SLC6A11: variants seen among roughly 807,000 people sequenced by gnomAD.
The protein encoded by SLC6A11 is sodium- and chloride-dependent GABA transporter 3.
In SLC6A11, 25 loss-of-function variants were observed where a neutral mutation model predicts 74.8. The ratio of observed to expected loss-of-function variants is 0.33; its 90% CI spans 0.24 to 0.47. The LOEUF (loss-of-function observed/expected upper bound fraction) is 0.47. Among genes scored for constraint, SLC6A11 ranks in the 20% least tolerant of loss-of-function variants. The probability of loss-of-function intolerance (pLI) is 1.00; values close to 1 mark genes in which losing one functional copy is unlikely to be tolerated. For missense variants in SLC6A11, 574 were observed against 837.0 expected (o/e 0.69, Z 3.88); for synonymous variants, 330 against 330.2 (o/e 1.00, Z 0.01).
At position 10,884,506 on chromosome 3, in the gene SLC6A11, G is replaced by A. The variant is rs114519191; in HGVS notation, c.891+9411G>A. 6.1e-3 allele frequency among the ~76,000 whole-genome samples: 933 copies of A among 152,328 alleles called. 7 individuals are homozygous for A. Among genetic ancestry groups the A allele is most frequent in the African/African-American group, 0.021 (887 of 41,556 alleles). ...TGTGTCTTAAAGGCTCTACCAATGA[G>A]AGGACTGAGGCTCTGAGGGGCTGAA... On this transcript the variant is annotated intron_variant, in intron 6 of 13. Coordinates refer to ENST00000254488, the MANE Select transcript of SLC6A11 (RefSeq NM_014229.3).
At position 10,929,303 on chromosome 3, in the gene SLC6A11, T is replaced by C; in HGVS notation, c.1335T>C (p.Val445=). 1 of 1,614,154 alleles carries C rather than the reference T, an allele frequency of 6.2e-7. No homozygotes were observed. The highest frequency in any genetic ancestry group is 1.1e-5 in the South Asian group (1 of 91,078). ...RRELLILALS[V]ISYFLGLVML... is the part of the protein sequence containing the mutation. Reference sequence around the variant, plus strand: ...AGCTGCTCATCCTAGCCTTGTCTGTTATCTCCTATTTTCTGGGCCTCGTGA... The same window carrying C: ...AGCTGCTCATCCTAGCCTTGTCTGTCATCTCCTATTTTCTGGGCCTCGTGA... Residue 445 remains valine, a synonymous_variant, in exon 10 of 14, where the codon GTT becomes GTC. Transcript: ENST00000254488.
chr3:10,884,697 C>A (rs1248017008), intron 6 of SLC6A11, among the ~76,000 whole-genome samples: 1 of 152,184 alleles, frequency 6.6e-6, no homozygotes, highest in Non-Finnish European at 1.5e-5. Context: ...ACCTATGTGA[C>A]AACTTTGCAA....
chr3:10,848,546 A>G (rs1694533555), intron 5 of SLC6A11, among the ~76,000 whole-genome samples: 1 of 152,216 alleles, frequency 6.6e-6, no homozygotes, highest in Non-Finnish European at 1.5e-5. Context: ...CCCCAGCTTC[A>G]GTAGGTAGCA....
intron 6 of SLC6A11, among the ~76,000 whole-genome samples, chr3:10,877,384 G>A (rs1040244943): frequency 6.6e-6 from 1 of 152,170 alleles, no homozygotes; most frequent in Non-Finnish European, 1.5e-5. Context: ...CCATGCACAG[G>A]CTTCTCACTT....
At chr3:10,849,794 C>CAAAAAAAAA (rs56099322) in intron 5 of SLC6A11, among the ~76,000 whole-genome samples, 32 of 87,276 alleles carry the variant, frequency 3.7e-4, no homozygotes, top group Non-Finnish European at 6.2e-4. Context: ...TTGTTGAAGC[C>CAAAAAAAAA]AAAAAAAAAA....
intron 4 of SLC6A11, 50 bp from the exon 5 acceptor site, chr3:10,844,164 G>A (rs1355104129): frequency 6.2e-6 from 10 of 1,611,400 alleles, no homozygotes; most frequent in South Asian, 2.2e-5. Flanking sequence ...TAGCTTTGCT[G>A]AAAATGGGCC....
chr3:10,930,216 T>C (rs1695667651), intron 10 of SLC6A11, among the ~76,000 whole-genome samples: 1 of 152,178 alleles, frequency 6.6e-6, no homozygotes, highest in Non-Finnish European at 1.5e-5. Flanking sequence ...CTGGAAGCCT[T>C]CTTAGCTTGC....
intron 6 of SLC6A11, among the ~76,000 whole-genome samples, chr3:10,900,565 C>T (rs1480107856): frequency 1.3e-5 from 2 of 152,200 alleles, no homozygotes; most frequent in Non-Finnish European, 2.9e-5. Context: ...CGTTCTCCTC[C>T]CAAGGATGTC....
intron 6 of SLC6A11, among the ~76,000 whole-genome samples, chr3:10,893,177 A>G (rs1695127509): frequency 6.6e-6 from 1 of 152,230 alleles, no homozygotes; most frequent in Non-Finnish European, 1.5e-5. Context: ...ATATTCCCTA[A>G]GAAAGACAGA....
intron 5 of SLC6A11, among the ~76,000 whole-genome samples, chr3:10,867,111 C>T (rs906759212): frequency 3.9e-5 from 6 of 152,164 alleles, no homozygotes; most frequent in African/African-American, 7.2e-5. Flanking sequence ...GAGATAGAAG[C>T]GAGACTGGCT....
rs1695445079 is a variant in SLC6A11, at chr3:10,915,676, G to T, written c.996-2653G>T. On this transcript the variant is annotated intron_variant, in intron 7 of 13. Coordinates refer to ENST00000254488, the MANE Select transcript of SLC6A11 (RefSeq NM_014229.3). The surrounding 1 kb of genome is among the most constrained non-coding windows in gnomAD (Gnocchi z 4.3). ...GCCCTGTCTGCTTGAAGGGGTGGGT[G>T]TTCTGAGGACTGGAGGGGAGGAGGG... is the stretch of plus-strand genomic sequence containing the variant. Among the ~76,000 whole-genome samples the T allele has an allele frequency of 2.0e-5, 3 of 152,176 alleles. No individual in the cohort carries two copies. The South Asian group carries it at 6.2e-4, about 32-fold the overall frequency.
At chr3:10,843,956 G>A (rs1694469833) in intron 4 of SLC6A11, among the ~76,000 whole-genome samples, 1 of 152,196 alleles carries the variant, frequency 6.6e-6, no homozygotes, top group Admixed American at 6.5e-5. Flanking sequence ...CTCCATCGGA[G>A]CCCTTTCCAC....
intron 13 of SLC6A11, among the ~76,000 whole-genome samples, chr3:10,935,892 C>T (rs1474412084): frequency 6.6e-6 from 1 of 152,090 alleles, no homozygotes; most frequent in Non-Finnish European, 1.5e-5. Flanking sequence ...AGTCCTCATG[C>T]CCATTCATTG....
intron 5 of SLC6A11, among the ~76,000 whole-genome samples, chr3:10,874,406 C>G (rs114729421): frequency 0.013 from 2,048 of 152,220 alleles, 36 homozygotes; most frequent in African/African-American, 0.047. Context: ...GAGGACAGGC[C>G]GTGTTAGGGG....
intron 6 of SLC6A11, among the ~76,000 whole-genome samples, chr3:10,890,601 T>C (rs1601369): frequency 0.82 from 124,301 of 152,254 alleles, 51,381 homozygotes; most frequent in African/African-American, 0.95. Context: ...AATTCCGCTC[T>C]AAATCCCACG....
chr3:10,816,625 A>T lies in SLC6A11; in HGVS notation c.256+104A>T, dbSNP rs1265072816. On this transcript the variant is annotated intron_variant, in intron 1 of 13. Transcript: ENST00000254488. This position sits in a 1 kb window ranked among gnomAD's most constrained non-coding sequence, Gnocchi z 4.2. ...CCCTCCCGCGCCTGCGTGGAGCGGAACCCGAGCGGAGAACCTCGACTCCAG... is the reference window on the plus strand; with the variant it reads ...CCCTCCCGCGCCTGCGTGGAGCGGATCCCGAGCGGAGAACCTCGACTCCAG... The T allele has an allele frequency of 1.6e-5, 20 of 1,232,208 alleles. No homozygotes were observed. Among genetic ancestry groups the T allele is most frequent in the Non-Finnish European group, 2.2e-5 (20 of 922,688 alleles). 76.3% of individuals were successfully genotyped at this position (1,232,208 alleles called of 1,614,324 possible).
chr3:10,886,782 G>A (rs1265290460), intron 6 of SLC6A11, among the ~76,000 whole-genome samples: 1 of 150,616 alleles, frequency 6.6e-6, no homozygotes, highest in African/African-American at 2.5e-5. Context: ...ATTCCAGCCT[G>A]GGCAACAAGA....
chr3:10,859,713 G>T (rs1694681129), intron 5 of SLC6A11, among the ~76,000 whole-genome samples: 1 of 152,122 alleles, frequency 6.6e-6, no homozygotes, highest in Non-Finnish European at 1.5e-5. Flanking sequence ...TAAGGGACCT[G>T]TGTCTTCCCA....
At chr3:10,880,825 C>G (rs991203298) in intron 6 of SLC6A11, among the ~76,000 whole-genome samples, 1 of 152,142 alleles carries the variant, frequency 6.6e-6, no homozygotes, top group Non-Finnish European at 1.5e-5. Flanking sequence ...AGCAACCCTT[C>G]CTTAATTTGT....
Sources: allele counts gnomAD v4.1 joint callset (sites outside exome capture counted in the v4.1 genomes callset), GRCh38; gene constraint gnomAD v4.1.1; non-coding constraint Gnocchi (gnomAD v3.1); transcripts MANE v1.5; gene names NCBI Gene and HGNC (gene_info 2026-07-23, HGNC 2026-07-21).